The following PDLIM5 variants were observed in gnomAD, a reference collection of about 807,000 sequenced individuals.
PDLIM5 encodes PDZ and LIM domain 5.
In PDLIM5, 34 loss-of-function variants were observed where a neutral mutation model predicts 64.2. That is an observed-to-expected ratio of 0.53 (90% CI 0.40 to 0.71). The LOEUF (loss-of-function observed/expected upper bound fraction) is 0.71. Ranked by LOEUF, PDLIM5 falls within the 30% of genes least tolerant of loss-of-function variation. The pLI, the probability that PDLIM5 is intolerant of heterozygous loss-of-function variation, is 0.00. For missense variants in PDLIM5, 683 were observed against 733.6 expected (o/e 0.93, Z 0.80); for synonymous variants, 253 against 269.1 (o/e 0.94, Z 0.59).
At chr4:94,555,690 T>A (rs139250072) in intron 3 of PDLIM5, among the ~76,000 whole-genome samples, 44 of 152,170 alleles carry the variant, frequency 2.9e-4, no homozygotes, top group African/African-American at 1.1e-3. Context: ...AAAAGATTCA[T>A]ATGGTAAATA....
In PDLIM5 at chr4:94,646,603, A is replaced by T. The variant is rs547436330; in HGVS notation, c.1283+6153A>T. ...TAAGTCGAACAGAGATGCATCTAGG[A>T]TTACATCAGTGCAAAAAGGAGAGGT... On this transcript the variant is annotated intron_variant, in intron 9 of 12. Coordinates refer to ENST00000317968, the MANE Select transcript of PDLIM5 (RefSeq NM_006457.5). Among the ~76,000 whole-genome samples, 46 of 152,336 alleles carry T rather than the reference A, an allele frequency of 3.0e-4. No homozygotes were observed. The East Asian group carries it at 7.7e-3, about 25-fold the overall frequency.
chr4:94,620,261 ATGTGATAGC>A (rs1221547958), intron 8 of PDLIM5, among the ~76,000 whole-genome samples: 1 of 152,106 alleles, frequency 6.6e-6, no homozygotes, highest in Non-Finnish European at 1.5e-5. Flanking sequence ...ACTTTTCACA[ATGTGATAGC>A]TTTAAGAATT....
intron 2 of PDLIM5, 157 bp downstream of exon 2, chr4:94,455,541 G>T: frequency 1.5e-6 from 1 of 656,006 alleles, no homozygotes; most frequent in Non-Finnish European, 2.7e-6. Context: ...AGGATGAGGG[G>T]AGTAGATTTA....
intron 7 of PDLIM5, among the ~76,000 whole-genome samples, chr4:94,588,824 T>C (rs1475395341): frequency 6.6e-6 from 1 of 152,218 alleles, no homozygotes; most frequent in Non-Finnish European, 1.5e-5. Context: ...AACTGCTTGA[T>C]AATTTGGAGA....
At chr4:94,533,593 C>A (rs1464746701) in intron 3 of PDLIM5, among the ~76,000 whole-genome samples, 1 of 152,194 alleles carries the variant, frequency 6.6e-6, no homozygotes, top group Non-Finnish European at 1.5e-5. Context: ...GGCTATGTGA[C>A]CTTAGGCAGG....
intron 2 of PDLIM5, chr4:94,456,276 A>G (rs1723347155): frequency 2.0e-6 from 1 of 507,116 alleles, no homozygotes; most frequent in Non-Finnish European, 3.5e-6. Context: ...TCGGCTCACC[A>G]CAACCTCCAT....
intron 3 of PDLIM5, among the ~76,000 whole-genome samples, chr4:94,537,819 A>AG (rs1403730571): frequency 2.6e-5 from 4 of 152,186 alleles, no homozygotes; most frequent in Non-Finnish European, 4.4e-5. Context: ...GTTCAATCTC[A>AG]GATTTCTCTC....
chr4:94,598,406 C>G (rs1209806448), intron 7 of PDLIM5, among the ~76,000 whole-genome samples: 1 of 152,112 alleles, frequency 6.6e-6, no homozygotes, highest in Non-Finnish European at 1.5e-5. Context: ...AGAAAATCAA[C>G]TGAAGACTCA....
At chr4:94,524,159 A>G (rs1314917760) in intron 3 of PDLIM5, among the ~76,000 whole-genome samples, 3 of 151,900 alleles carry the variant, frequency 2.0e-5, no homozygotes, top group Non-Finnish European at 4.4e-5. Context: ...TGGTTGAGCT[A>G]AGGAGTTTGA....
chr4:94,512,282 G>A (rs1484241545), intron 2 of PDLIM5, among the ~76,000 whole-genome samples: 2 of 152,072 alleles, frequency 1.3e-5, no homozygotes, highest in Non-Finnish European at 1.5e-5. Flanking sequence ...GCCTCCCAAA[G>A]TTCTGGGATT....
intron 9 of PDLIM5, among the ~76,000 whole-genome samples, chr4:94,653,907 A>G (rs1344230734): frequency 6.6e-6 from 1 of 152,166 alleles, no homozygotes; most frequent in South Asian, 2.1e-4. Context: ...TGAGGACTTG[A>G]TGTGTTTAGT....
intron 7 of PDLIM5, among the ~76,000 whole-genome samples, chr4:94,605,846 C>T (rs1456081858): frequency 6.6e-6 from 1 of 151,546 alleles, no homozygotes; most frequent in African/African-American, 2.4e-5. Flanking sequence ...CTCAACTTCT[C>T]CAACTCACTC....
chr4:94,498,109 C>T (rs529618259), intron 2 of PDLIM5, among the ~76,000 whole-genome samples: 2 of 152,266 alleles, frequency 1.3e-5, no homozygotes, highest in African/African-American at 4.8e-5. Context: ...CGGATCAGGG[C>T]TCAGCATTGA....
At chr4:94,644,774 C>T (rs1741277780) in intron 9 of PDLIM5, among the ~76,000 whole-genome samples, 1 of 152,044 alleles carries the variant, frequency 6.6e-6, no homozygotes, top group African/African-American at 2.4e-5. Flanking sequence ...ATCTCCTGAC[C>T]TCATGATCCA....
At chr4:94,559,562 A>G (rs1733659805) in intron 3 of PDLIM5, among the ~76,000 whole-genome samples, 1 of 152,234 alleles carries the variant, frequency 6.6e-6, no homozygotes, top group African/African-American at 2.4e-5. Flanking sequence ...GTAAGATGCT[A>G]AATTGAAATT....
chr4:94,537,344 T>A (rs1321291514), intron 3 of PDLIM5, among the ~76,000 whole-genome samples: 1 of 152,182 alleles, frequency 6.6e-6, no homozygotes, highest in African/African-American at 2.4e-5. Context: ...TTACTGGAAT[T>A]AGGCTTTGAA....
At chr4:94,637,412 AGC>A (rs1740657628) in intron 8 of PDLIM5, among the ~76,000 whole-genome samples, 2 of 152,062 alleles carry the variant, frequency 1.3e-5, no homozygotes, top group Non-Finnish European at 2.9e-5. Context: ...TACAAAAATT[AGC>A]CCAGCGTGGT....
chr4:94,600,162 G>T (rs959055543), intron 7 of PDLIM5, among the ~76,000 whole-genome samples: 1 of 152,196 alleles, frequency 6.6e-6, no homozygotes, highest in Non-Finnish European at 1.5e-5. Flanking sequence ...CTTCATGAGG[G>T]CAGGAAATTA....
At chr4:94,471,077 C>T (rs192961893) in intron 2 of PDLIM5, among the ~76,000 whole-genome samples, 20 of 152,248 alleles carry the variant, frequency 1.3e-4, no homozygotes, top group Admixed American at 5.2e-4. Flanking sequence ...GACCCGCCCC[C>T]ATCATTCAGT....
Sources: gnomAD v4.1 joint callset for allele counts (sites outside exome capture counted in the v4.1 genomes callset) on GRCh38, gnomAD v4.1.1 for gene constraint, MANE v1.5 for transcripts, NCBI Gene and HGNC (gene_info 2026-07-23, HGNC 2026-07-21) for gene names.